CAPN1: variants seen among roughly 807,000 people sequenced by gnomAD.
The protein encoded by CAPN1 is calpain 1.
Under a neutral mutation model 105.2 loss-of-function variants are expected in CAPN1, and 77 were observed. The ratio of observed to expected loss-of-function variants is 0.73; its 90% CI spans 0.61 to 0.88. The LOEUF is 0.88. CAPN1 is among the 40% of genes least tolerant of loss of function. CAPN1 has a pLI of 0.00. For synonymous variants in CAPN1, 355 were observed against 388.8 expected (o/e 0.91, Z 1.02); for missense variants, 833 against 976.6 (o/e 0.85, Z 1.96).
chr11:65,193,635 ACT>A, intron 10 of CAPN1, among the ~76,000 whole-genome samples: 1 of 104,772 alleles, frequency 9.5e-6, no homozygotes, highest in East Asian at 2.7e-4. Context: ...ATAGAGCGAG[ACT>A]CTGTCTCAAA....
rs1565395894 is a variant in CAPN1, at chr11:65,188,540, C to G, written c.1005-46C>G. Reference sequence around the variant, plus strand: ...ACCTCTCCACCCCTACACATCAGCTCTGTGCCCTGACGGGCTGTGCCTCAC... The same window carrying G: ...ACCTCTCCACCCCTACACATCAGCTGTGTGCCCTGACGGGCTGTGCCTCAC... On this transcript the variant is annotated intron_variant, in intron 9 of 21. Transcript: ENST00000279247. The surrounding 1 kb of genome is among the most constrained non-coding windows in gnomAD (Gnocchi z 5.5). The G allele has an allele frequency of 3.7e-6, 6 of 1,613,576 alleles. No homozygotes were observed. In the East Asian group the frequency reaches 6.7e-5, roughly 18 times the overall value.
At chr11:65,207,581 G>C (rs755463592) in intron 14 of CAPN1, among the ~76,000 whole-genome samples, 2 of 152,006 alleles carry the variant, frequency 1.3e-5, no homozygotes, top group Non-Finnish European at 2.9e-5. Flanking sequence ...GGGCGGGGCA[G>C]GGCAGGGCAG....
chr11:65,191,010 G>A (rs1194228985), intron 10 of CAPN1, among the ~76,000 whole-genome samples: 1 of 152,094 alleles, frequency 6.6e-6, no homozygotes, highest in Non-Finnish European at 1.5e-5. Flanking sequence ...TGTCTTAGCT[G>A]TTCTTGACCT....
chr11:65,197,062 T>C (rs1565406057), intron 10 of CAPN1, among the ~76,000 whole-genome samples: 2 of 152,242 alleles, frequency 1.3e-5, no homozygotes, highest in Non-Finnish European at 2.9e-5. Context: ...ATGAAGTCAC[T>C]GATCTATGAA....
rs764329860 is a variant in CAPN1, at chr11:65,183,592, G to T, written c.456G>T (p.Gln152His). 1 of 1,606,012 alleles carries T rather than the reference G, an allele frequency of 6.2e-7. No homozygotes were observed. Among genetic ancestry groups the T allele is most frequent in the Non-Finnish European group, 8.5e-7 (1 of 1,172,860 alleles). ...GCTATGCCGGCATCTTCCATTTCCA[G>T]GTGAGGGCTCCCCTGGGGAGGAGGG... ...QNGYAGIFHF[Q>H]LWQFGEWVDV... The change falls in exon 4 of 22, where the codon CAG (glutamine) becomes CAT (histidine). Residue 152 changes from glutamine (Q) to histidine (H), a missense_variant and splice_region_variant. Physicochemically the swap from Gln to His is conservative, Grantham distance 24. Coordinates refer to ENST00000279247, the MANE Select transcript of CAPN1 (RefSeq NM_005186.4).
At chr11:65,203,075 T>C (rs1948895156) in intron 10 of CAPN1, among the ~76,000 whole-genome samples, 2 of 152,246 alleles carry the variant, frequency 1.3e-5, no homozygotes, top group African/African-American at 2.4e-5. Context: ...TTGTTCCTCT[T>C]TGTTGCCAAA....
Position 65,183,480 on chromosome 11 carries a change from G to T in CAPN1, c.344G>T (p.Cys115Phe). The part of the protein sequence containing the change: ...TDICQGALGD[C>F]WLLAAIASLT... ...TGCATCCCTCCTGCCCCAGGGGACTGCTGGCTCTTGGCGGCCATCGCCTCC... is the reference window on the plus strand; with the variant it reads ...TGCATCCCTCCTGCCCCAGGGGACTTCTGGCTCTTGGCGGCCATCGCCTCC... The change falls in exon 4 of 22, where the codon TGC (cysteine) becomes TTC (phenylalanine). Residue 115 changes from cysteine (C) to phenylalanine (F), a missense_variant. Physicochemically the swap from Cys to Phe is radical, Grantham distance 205. Coordinates refer to ENST00000279247, the MANE Select transcript of CAPN1 (RefSeq NM_005186.4). 1 of 1,612,350 alleles carries T rather than the reference G, an allele frequency of 6.2e-7. No individual in the cohort carries two copies. The highest frequency in any genetic ancestry group is 8.5e-7 in the Non-Finnish European group (1 of 1,178,480).
At position 65,204,774 on chromosome 11, in the gene CAPN1, C is replaced by T; in HGVS notation, c.1257C>T (p.Phe419=). The T allele has an allele frequency of 6.2e-7, 1 of 1,613,122 alleles. No individual in the cohort carries two copies. ...DYGDRESGCS[F]VLALMQKHRR... ...GGGACCGCGAGTCAGGCTGCAGCTT[C>T]GTGCTCGCCCTTATGCAGAAGCACC... Residue 419 remains phenylalanine (F), a synonymous_variant, in exon 11 of 22, where the codon TTC becomes TTT. Coordinates refer to ENST00000279247, the MANE Select transcript of CAPN1 (RefSeq NM_005186.4).
chr11:65,210,734 C>A lies in CAPN1; in HGVS notation c.2060-80C>A. On this transcript the variant is annotated intron_variant, in intron 20 of 21. Coordinates refer to ENST00000279247, the MANE Select transcript of CAPN1 (RefSeq NM_005186.4). The surrounding 1 kb of genome is among the most constrained non-coding windows in gnomAD (Gnocchi z 4.3). ...TGTGGGGAGGTAGAGAGGGACCAGG[C>A]AGGAAGGGGGCCAGGCCTGGCCCTG... is the stretch of plus-strand genomic sequence containing the variant. The A allele has an allele frequency of 8.7e-7, 1 of 1,150,080 alleles. No individual in the cohort carries two copies. Among genetic ancestry groups the A allele is most frequent in the Non-Finnish European group, 1.3e-6 (1 of 757,224 alleles). 71.2% of individuals were successfully genotyped at this position (1,150,080 alleles called of 1,614,324 possible). A position where few individuals can be genotyped will look rare whatever the true frequency, so the allele number is the denominator to read the frequency against.
At chr11:65,201,670 A>G (rs1198451714) in intron 10 of CAPN1, among the ~76,000 whole-genome samples, 3 of 151,728 alleles carry the variant, frequency 2.0e-5, no homozygotes, top group Non-Finnish European at 4.4e-5. Flanking sequence ...GGCACCTGCC[A>G]CCACGCCCGG....
rs544629782 is a variant in CAPN1 at position 65,205,677 on chromosome 11, A to T, written c.1342-33A>T. 6.8e-6 allele frequency: 11 copies of T among 1,612,602 alleles called. No homozygotes were observed. In the South Asian group the frequency reaches 9.9e-5, roughly 14 times the overall value. Reference sequence around the variant, plus strand: ...TGTGACCCCGCCCTGGGACAAACACACATCTCTGACTTCCCCTGTCTCTCT... The same window carrying T: ...TGTGACCCCGCCCTGGGACAAACACTCATCTCTGACTTCCCCTGTCTCTCT... On this transcript the variant is annotated intron_variant, in intron 11 of 21. Transcript: ENST00000279247.
At chr11:65,203,406 C>G (rs1221924983) in intron 10 of CAPN1, 3 of 152,304 alleles carry the variant, frequency 2.0e-5, no homozygotes, top group Non-Finnish European at 4.4e-5. Flanking sequence ...GTCGCCCAGG[C>G]TGGAGTGCTG....
At chr11:65,184,006 C>T (rs1413492785) in intron 4 of CAPN1, among the ~76,000 whole-genome samples, 2 of 152,172 alleles carry the variant, frequency 1.3e-5, no homozygotes, top group African/African-American at 4.8e-5. Context: ...CAAGGTCTGA[C>T]TGAGCCCAGC....
chr11:65,208,233 G>T lies in CAPN1; in HGVS notation c.1700G>T (p.Arg567Leu). The change falls in exon 16 of 22, where the codon CGG (arginine) becomes CTG (leucine). Residue 567 changes from arginine (R) to leucine (L), a missense_variant. Physicochemically the swap from Arg to Leu is moderately radical, Grantham distance 102. Transcript: ENST00000279247. The surrounding 1 kb of genome is among the most constrained non-coding windows in gnomAD (Gnocchi z 4.1). ...EDMEISVKEL[R>L]TILNRIISKH... is the part of the protein sequence containing the mutation. ...ATGGAGATCAGCGTGAAGGAGTTGC[G>T]GACAATCCTCAATAGGATCATCAGC... 6.4e-7 allele frequency: 1 copy of T among 1,573,696 alleles called. No individual in the cohort carries two copies.
chr11:65,196,400 G>A (rs138574512), intron 10 of CAPN1, among the ~76,000 whole-genome samples: 7 of 151,926 alleles, frequency 4.6e-5, no homozygotes, highest in Non-Finnish European at 8.8e-5. Flanking sequence ...GGGTACATGT[G>A]ATATTTTGAT....
chr11:65,207,434 A>G (rs1226232258), intron 14 of CAPN1, among the ~76,000 whole-genome samples: 2 of 150,606 alleles, frequency 1.3e-5, no homozygotes, highest in African/African-American at 4.9e-5. Context: ...TCCTGACTTC[A>G]AGTGATCCAC....
At chr11:65,181,671 C>T (rs550389675), upstream of CAPN1, 10 of 339,782 alleles carry the variant, frequency 2.9e-5, no homozygotes, top group Non-Finnish European at 4.2e-5. The surrounding 1 kb of genome is among the most constrained non-coding windows in gnomAD (Gnocchi z 4.6). Context: ...GCGCCCCAGC[C>T]CCCCCATCCC....
chr11:65,194,124 A>G (rs892330068), intron 10 of CAPN1, among the ~76,000 whole-genome samples: 5 of 151,086 alleles, frequency 3.3e-5, no homozygotes, highest in Admixed American at 6.6e-5. Flanking sequence ...ACCATGCCCA[A>G]CTAATTTTTT....
chr11:65,210,007 C>G lies in CAPN1; in HGVS notation c.1864-11C>G. The G allele has an allele frequency of 4.3e-6, 7 of 1,613,016 alleles. No individual in the cohort carries two copies. The highest frequency in any genetic ancestry group is 5.9e-6 in the Non-Finnish European group (7 of 1,179,744). ...ACTCAGCCTGGCCCTCACCCTCTGC[C>G]GCCACCTCAGTCCATCTTCCGGAAG... is the stretch of plus-strand genomic sequence containing the variant. On this transcript the variant is annotated splice_polypyrimidine_tract_variant and intron_variant, in intron 18 of 21. Transcript: ENST00000279247. The surrounding 1 kb of genome is among the most constrained non-coding windows in gnomAD (Gnocchi z 4.3).
Sources: gnomAD v4.1 joint callset for allele counts (sites outside exome capture counted in the v4.1 genomes callset) on GRCh38, gnomAD v4.1.1 for gene constraint, Gnocchi (gnomAD v3.1) non-coding constraint, MANE v1.5 for transcripts, NCBI Gene and HGNC (gene_info 2026-07-23, HGNC 2026-07-21) for gene names.